MYOM2: variants seen among roughly 807,000 people sequenced by gnomAD.
The protein encoded by MYOM2 is myomesin-2.
Under a neutral mutation model 187.6 loss-of-function variants are expected in MYOM2, and 254 were observed. The observed-to-expected ratio is 1.35, with a 90% CI of 1.22 to 1.50. The LOEUF is 1.50. MYOM2 is among the 40% of genes most tolerant of loss of function. The pLI is 0.00. For synonymous variants in MYOM2, 981 were observed against 753.8 expected (o/e 1.30, Z -4.94); for missense variants, 2,796 against 1,924.0 (o/e 1.45, Z -8.48).
At chr8:2,100,186 T>C (rs560328839) in intron 19 of MYOM2, among the ~76,000 whole-genome samples, 99 of 145,340 alleles carry the variant, frequency 6.8e-4, no homozygotes, top group Middle Eastern at 3.5e-3. Flanking sequence ...CCTTCCTTCC[T>C]TCCCTCCCTG....
intron 32 of MYOM2, among the ~76,000 whole-genome samples, chr8:2,136,071 C>T (rs1798058749): frequency 6.6e-6 from 1 of 152,214 alleles, no homozygotes; most frequent in Non-Finnish European, 1.5e-5. Flanking sequence ...CTGTGAGTGG[C>T]TTTGTCTGAG....
At chr8:2,131,381 C>G (rs3824176) in intron 32 of MYOM2, among the ~76,000 whole-genome samples, 4 of 151,638 alleles carry the variant, frequency 2.6e-5, no homozygotes, top group African/African-American at 7.3e-5. Flanking sequence ...GGGATTTGAA[C>G]GCTGGCTGGT....
chr8:2,086,724 G>A (rs543377564), intron 14 of MYOM2, among the ~76,000 whole-genome samples: 315 of 152,322 alleles, frequency 2.1e-3, no homozygotes, highest in Non-Finnish European at 2.8e-3. Context: ...CTCTCTGGGC[G>A]CCCGCGTTCT....
intron 21 of MYOM2, 137 bp from the exon 22 acceptor site, chr8:2,106,105 C>T (rs868620780): frequency 2.4e-6 from 2 of 830,426 alleles, no homozygotes; most frequent in East Asian, 5.1e-5. Context: ...TCACCTCACT[C>T]CCTCTACACT....
At chr8:2,129,779 T>C (rs1797787988) in intron 32 of MYOM2, among the ~76,000 whole-genome samples, 1 of 152,064 alleles carries the variant, frequency 6.6e-6, no homozygotes, top group African/African-American at 2.4e-5. Context: ...ACTGGGCAGG[T>C]CCCTGCTGCC....
intron 6 of MYOM2, among the ~76,000 whole-genome samples, chr8:2,064,032 G>A (rs907824772): frequency 6.6e-6 from 1 of 152,232 alleles, no homozygotes; most frequent in Admixed American, 6.5e-5. Flanking sequence ...AGGGGAGGAA[G>A]ACGGGGGTCC....
At chr8:2,083,425 C>T (rs75290532) in intron 13 of MYOM2, among the ~76,000 whole-genome samples, 40,153 of 150,810 alleles carry the variant, frequency 0.27, 5,443 homozygotes, top group East Asian at 0.33. Context: ...GTGTGCTTAG[C>T]AGTATCTCAT....
intron 15 of MYOM2, among the ~76,000 whole-genome samples, chr8:2,091,523 G>A (rs1403186410): frequency 6.6e-6 from 1 of 152,194 alleles, no homozygotes; most frequent in African/African-American, 2.4e-5. Context: ...GAGGCACATT[G>A]GTGTCAGGAA....
At chr8:2,058,804 C>T (rs1818757288) in intron 5 of MYOM2, among the ~76,000 whole-genome samples, 2 of 152,160 alleles carry the variant, frequency 1.3e-5, no homozygotes, top group South Asian at 4.1e-4. Flanking sequence ...CGCAGAACTC[C>T]CTGAGACACT....
intron 14 of MYOM2, among the ~76,000 whole-genome samples, chr8:2,087,149 A>G (rs1240562747): frequency 1.3e-5 from 2 of 152,244 alleles, no homozygotes; most frequent in African/African-American, 4.8e-5. Flanking sequence ...GTTGTAGGCC[A>G]TAGTTGGATA....
chr8:2,097,168 C>G, intron 18 of MYOM2: 2 of 907,444 alleles, frequency 2.2e-6, no homozygotes, highest in Non-Finnish European at 2.6e-6. Flanking sequence ...AAGATCTAAT[C>G]TTTGTCTACT....
At chr8:2,141,246 G>T (rs1798264852) in intron 34 of MYOM2, 69 bp downstream of exon 34, 2 of 1,401,494 alleles carry the variant, frequency 1.4e-6, no homozygotes, top group Non-Finnish European at 2.0e-6. Context: ...TTGGCTGCAT[G>T]TGGGAATCTG....
intron 6 of MYOM2, among the ~76,000 whole-genome samples, chr8:2,065,361 G>GA (rs888461930): frequency 1.3e-5 from 2 of 152,148 alleles, no homozygotes; most frequent in African/African-American, 4.8e-5. Context: ...ACGAGGTCAG[G>GA]AGTTTGAGAC....
At chr8:2,095,812 G>C (rs2116752349) in intron 17 of MYOM2, among the ~76,000 whole-genome samples, 1 of 152,234 alleles carries the variant, frequency 6.6e-6, no homozygotes, top group South Asian at 2.1e-4. Flanking sequence ...TAACTGTGCA[G>C]GAAATTAAAA....
intron 31 of MYOM2, among the ~76,000 whole-genome samples, chr8:2,126,719 G>A (rs893667882): frequency 1.4e-5 from 2 of 144,398 alleles, no homozygotes; most frequent in Admixed American, 7.0e-5. Flanking sequence ...GGTGAGCACT[G>A]GGGGAGGCTG....
chr8:2,143,788 G>A (rs1320308577), intron 36 of MYOM2, among the ~76,000 whole-genome samples: 1 of 152,186 alleles, frequency 6.6e-6, no homozygotes, highest in Non-Finnish European at 1.5e-5. Context: ...AGCAACTGCA[G>A]GATGAGGCAG....
chr8:2,093,974 G>C lies in MYOM2; in HGVS notation c.2008G>C (p.Val670Leu). The C allele has an allele frequency of 1.2e-6, 2 of 1,614,094 alleles. No homozygotes were observed. Among genetic ancestry groups the C allele is most frequent in the Non-Finnish European group, 1.7e-6 (2 of 1,180,022 alleles). ...NHKPIGYNRF[V>L]VHGLTTGEQY... ...CCTGATCCCTGTGTTTCTCAGGTTC[G>C]TGGTGCACGGCTTAACCACGGGAGA... Residue 670 changes from valine (V) to leucine (L), a missense_variant, in exon 17 of 37, where the codon GTG (valine) becomes CTG (leucine). Physicochemically the swap from Val to Leu is conservative, Grantham distance 32. Transcript: ENST00000262113.
At chr8:2,127,590 G>A (rs1797694800) in intron 31 of MYOM2, 1 of 164,702 alleles carries the variant, frequency 6.1e-6, no homozygotes, top group African/African-American at 2.4e-5. Context: ...TCGGCGTGAC[G>A]CGGTGACGCA....
At chr8:2,118,067 T>C (rs1451431321) in intron 28 of MYOM2, 115 bp downstream of exon 28, 5 of 873,054 alleles carry the variant, frequency 5.7e-6, no homozygotes, top group Non-Finnish European at 9.0e-6. Flanking sequence ...AAACGTGTGG[T>C]GCCTGTGTAG....
Sources: gnomAD v4.1 joint callset for allele counts (sites outside exome capture counted in the v4.1 genomes callset) on GRCh38, gnomAD v4.1.1 for gene constraint, MANE v1.5 for transcripts, NCBI Gene and HGNC (gene_info 2026-07-23, HGNC 2026-07-21) for gene names.